The following HEG1 variants were observed in gnomAD, a reference collection of about 807,000 sequenced individuals.
HEG1 encodes the protein heart development protein with EGF like domains 1, also known as protein HEG homolog 1.
HEG1 carries 56 observed loss-of-function variants against 125.6 expected under a neutral mutation model. The observed-to-expected ratio is 0.45, with a 90% CI of 0.36 to 0.56. The LOEUF (loss-of-function observed/expected upper bound fraction) is 0.56, where lower values mean the gene tolerates loss of function less well. Among genes scored for constraint, HEG1 ranks in the 20% least tolerant of loss-of-function variants. HEG1 has a pLI of 0.00. For missense variants in HEG1, 1,523 were observed against 1,670.0 expected (o/e 0.91, Z 1.53); for synonymous variants, 644 against 668.5 (o/e 0.96, Z 0.57).
chr3:125,019,992 G>A (rs1937311776), intron 4 of HEG1, among the ~76,000 whole-genome samples: 5 of 152,126 alleles, frequency 3.3e-5, no homozygotes, highest in Admixed American at 3.3e-4. Flanking sequence ...TATGAATAAA[G>A]GTTATTCTAA....
At position 125,013,704 on chromosome 3, in the gene HEG1, C is replaced by A. The variant is rs373718985; in HGVS notation, c.1875G>T (p.Ser625=). 6.2e-7 allele frequency: 1 copy of A among 1,613,856 alleles called. No homozygotes were observed. The highest frequency in any genetic ancestry group is 1.1e-5 in the South Asian group (1 of 91,064). ...DGEYAQPSTE[S]PVLHTSNLPS... is the part of the protein sequence containing the mutation. Reference sequence around the variant, plus strand: ...GAAGGTTGGATGTATGCAGAACTGGCGACTCAGTAGAAGGCTGAGCATATT... The same window carrying A: ...GAAGGTTGGATGTATGCAGAACTGGAGACTCAGTAGAAGGCTGAGCATATT... The change falls in exon 6 of 17, where the codon TCG becomes TCT. Residue 625 remains serine (S), a synonymous_variant. Coordinates refer to ENST00000311127, the MANE Select transcript of HEG1 (RefSeq NM_020733.2).
At chr3:125,047,863 G>A (rs898512226) in intron 1 of HEG1, among the ~76,000 whole-genome samples, 1 of 152,056 alleles carries the variant, frequency 6.6e-6, no homozygotes, top group South Asian at 2.1e-4. Flanking sequence ...GAACTGCAGG[G>A]CCACCTGAAG....
intron 11 of HEG1, among the ~76,000 whole-genome samples, chr3:124,998,250 C>G (rs145581679): frequency 6.6e-6 from 1 of 152,208 alleles, no homozygotes; most frequent in Admixed American, 6.5e-5. Flanking sequence ...GGACTAAGAA[C>G]AGGAGTGCAG....
rs1194148285 is a variant in HEG1 at position 125,027,371 on chromosome 3, G to A, written c.747C>T (p.His249=). ...AMGLSEEWTV[H]SQEATTSAWS... ...AAGCCGAAGTGGTGGCCTCTTGGCT[G>A]TGCACAGTCCATTCTTCTGACAGCC... Residue 249 remains histidine, a synonymous_variant, in exon 3 of 17, where the codon CAC becomes CAT. Transcript: ENST00000311127. 2 of 1,614,018 alleles carry A rather than the reference G, an allele frequency of 1.2e-6. No individual in the cohort carries two copies. Among genetic ancestry groups the A allele is most frequent in the Non-Finnish European group, 1.7e-6 (2 of 1,179,890 alleles).
rs200147885 is a variant in HEG1 at position 125,055,935 on chromosome 3, A to AGGGCAGC, written c.-52_-46dup. 0.69 allele frequency: 552,984 copies of AGGGCAGC among 799,704 alleles called. 201,928 individuals carry two copies. The highest frequency in any genetic ancestry group is 0.81 in the South Asian group (14,964 of 18,438). The allele number at this position is 799,704 out of a possible 1,614,324, so 49.5% of individuals were successfully genotyped here. On this transcript the variant is annotated 5_prime_UTR_variant, in exon 1 of 17. Coordinates refer to ENST00000311127, the MANE Select transcript of HEG1 (RefSeq NM_020733.2). The stretch of plus-strand genomic sequence containing the variant: ...GCTCACATGCCCGGCGCGCGGGGCG[A>AGGGCAGC]GGGCAGCGGGCAGCGGGCAGCGGGC...
chr3:125,024,911 G>C (rs545675053), intron 3 of HEG1, among the ~76,000 whole-genome samples: 2 of 152,336 alleles, frequency 1.3e-5, no homozygotes, highest in South Asian at 2.1e-4. Context: ...TGTTCACCTA[G>C]TGAGGCGCAT....
In HEG1 at chr3:125,013,830, G is replaced by A; in HGVS notation, c.1749C>T (p.Ser583=). 3 of 1,613,918 alleles carry A rather than the reference G, an allele frequency of 1.9e-6. No individual in the cohort carries two copies. The highest frequency in any genetic ancestry group is 1.7e-6 in the Non-Finnish European group (2 of 1,179,858). The change falls in exon 6 of 17, where the codon AGC becomes AGT. Residue 583 remains serine, a synonymous_variant. Transcript: ENST00000311127. ...TTGAGATTTTAATATAAGAAGTTGAGCTCTCCACAATGTCTGAGGATGAAC... is the reference window on the plus strand; with the variant it reads ...TTGAGATTTTAATATAAGAAGTTGAACTCTCCACAATGTCTGAGGATGAAC... ...DNSSSSDIVE[S]STSYIKISNS... is the part of the protein sequence containing the mutation.
At chr3:125,032,946 C>G (rs1322135632) in intron 1 of HEG1, among the ~76,000 whole-genome samples, 2 of 152,104 alleles carry the variant, frequency 1.3e-5, no homozygotes, top group African/African-American at 4.8e-5. Flanking sequence ...GCTCAGGGAA[C>G]TCCAGTGCAG....
At chr3:125,007,376 CACTT>C (rs1208766250) in intron 8 of HEG1, among the ~76,000 whole-genome samples, 10 of 152,010 alleles carry the variant, frequency 6.6e-5, no homozygotes, top group African/African-American at 2.2e-4. Flanking sequence ...TTTTTAAAGA[CACTT>C]ACACCTTTAC....
At chr3:125,051,782 A>G (rs1167247723) in intron 1 of HEG1, among the ~76,000 whole-genome samples, 1 of 152,350 alleles carries the variant, frequency 6.6e-6, no homozygotes, top group East Asian at 1.9e-4. Context: ...TGGCTAACAA[A>G]ACCACAACTG....
At chr3:124,975,452 T>G (rs1936517575) in intron 15 of HEG1, among the ~76,000 whole-genome samples, 1 of 152,170 alleles carries the variant, frequency 6.6e-6, no homozygotes, top group Non-Finnish European at 1.5e-5. Flanking sequence ...GCCCAAAGCA[T>G]CCCACACTGC....
chr3:125,000,110 A>C (rs913499070), intron 11 of HEG1, among the ~76,000 whole-genome samples: 1 of 152,136 alleles, frequency 6.6e-6, no homozygotes, highest in Admixed American at 6.5e-5. Context: ...GGGAGGAAAA[A>C]CAGGGAAACA....
At chr3:125,031,825 C>T (rs1937507113) in intron 1 of HEG1, among the ~76,000 whole-genome samples, 1 of 151,892 alleles carries the variant, frequency 6.6e-6, no homozygotes, top group Admixed American at 6.6e-5. Context: ...CATACACACA[C>T]ACACACGCAC....
At chr3:125,005,763 G>A (rs1426340958) in intron 8 of HEG1, among the ~76,000 whole-genome samples, 2 of 152,206 alleles carry the variant, frequency 1.3e-5, no homozygotes, top group East Asian at 1.9e-4. Flanking sequence ...GAGGGAGGGA[G>A]ATGTGTTAGA....
Position 125,037,939 on chromosome 3 carries a change from T to G in HEG1, c.317-8451A>C, listed in dbSNP as rs148928573. Among the ~76,000 whole-genome samples the G allele has an allele frequency of 2.3e-4, 35 of 152,342 alleles. 1 individual carries two copies. The highest frequency in any genetic ancestry group is 1.2e-3 in the South Asian group (6 of 4,832). On this transcript the variant is annotated intron_variant, in intron 1 of 16. Coordinates refer to ENST00000311127, the MANE Select transcript of HEG1 (RefSeq NM_020733.2). ...AGGATATTAACAGCATCTCCCTCAC[T>G]GGGTTGTTGTGAAAACCAATGGAAT...
intron 3 of HEG1, among the ~76,000 whole-genome samples, chr3:125,024,329 C>A (rs1937384405): frequency 6.6e-6 from 1 of 152,096 alleles, no homozygotes. Context: ...AATTGCATGC[C>A]CCACCCGGTT....
chr3:124,988,670 G>T (rs1193596778), intron 14 of HEG1, among the ~76,000 whole-genome samples: 2 of 152,170 alleles, frequency 1.3e-5, no homozygotes, highest in Non-Finnish European at 2.9e-5. Flanking sequence ...TGGAATCCCA[G>T]CACTTTGGGA....
intron 3 of HEG1, 34 bp downstream of exon 3, chr3:125,027,171 C>G: frequency 6.6e-7 from 1 of 1,522,848 alleles, no homozygotes. Flanking sequence ...CTTTGAGTGA[C>G]TTCCGAGTGT....
intron 6 of HEG1, among the ~76,000 whole-genome samples, chr3:125,010,819 G>T (rs1429811353): frequency 6.6e-6 from 1 of 152,192 alleles, no homozygotes; most frequent in Admixed American, 6.5e-5. Flanking sequence ...GCTGCTTACA[G>T]GTCACTCCAT....
Sources: allele counts gnomAD v4.1 joint callset (sites outside exome capture counted in the v4.1 genomes callset), GRCh38; gene constraint gnomAD v4.1.1; transcripts MANE v1.5; gene names NCBI Gene and HGNC (gene_info 2026-07-23, HGNC 2026-07-21).